The following TRAPPC10 variants were observed in gnomAD, a reference collection of about 807,000 sequenced individuals.
TRAPPC10 encodes the protein TRAPP 130 kDa subunit.
TRAPPC10 carries 23 observed loss-of-function variants against 125.5 expected under a neutral mutation model. The ratio of observed to expected loss-of-function variants is 0.18; its 90% CI spans 0.13 to 0.26. The LOEUF is 0.26. Among genes scored for constraint, TRAPPC10 ranks in the 10% least tolerant of loss-of-function variants. The pLI is 1.00. For missense variants in TRAPPC10, 1,123 were observed against 1,308.4 expected (o/e 0.86, Z 2.19); for synonymous variants, 509 against 518.0 (o/e 0.98, Z 0.24).
At chr21:44,089,343 C>T (rs542272552) in intron 17 of TRAPPC10, 5 of 360,496 alleles carry the variant, frequency 1.4e-5, no homozygotes, top group African/African-American at 6.4e-5. Context: ...CTCACTGTGC[C>T]CCTAAACTGA....
rs1412938341 is a variant in TRAPPC10, at chr21:44,012,445, G to GGGGCTGCC, written c.-48_-41dup. On this transcript the variant is annotated 5_prime_UTR_variant, in exon 1 of 23. Transcript: ENST00000291574. ...CTCCGGCTGGGCCCGGCGCGGCCTC[G>GGGGCTGCC]GGGCTGCCCATGGGGCGCGGGGGGC... 6.3e-6 allele frequency: 8 copies of GGGGCTGCC among 1,259,934 alleles called. No homozygotes were observed. The highest frequency in any genetic ancestry group is 3.2e-5 in the African/African-American group (2 of 62,314). 78.0% of individuals were successfully genotyped at this position (1,259,934 alleles called of 1,614,324 possible).
At chr21:44,091,374 C>G (rs1038282335) in intron 18 of TRAPPC10, among the ~76,000 whole-genome samples, 3 of 152,188 alleles carry the variant, frequency 2.0e-5, no homozygotes, top group Non-Finnish European at 4.4e-5. Context: ...TAAGGCTGGT[C>G]AGAAACTATA....
At chr21:44,034,072 G>A (rs1486838225) in intron 2 of TRAPPC10, among the ~76,000 whole-genome samples, 2 of 152,192 alleles carry the variant, frequency 1.3e-5, no homozygotes, top group African/African-American at 4.8e-5. Context: ...GAGGCCGCAG[G>A]ATATAGCTGT....
chr21:44,094,072 A>C lies in TRAPPC10; in HGVS notation c.3007A>C (p.Ser1003Arg). The C allele has an allele frequency of 2.5e-6, 4 of 1,613,520 alleles. No individual in the cohort carries two copies. The East Asian group carries it at 8.9e-5, about 36-fold the overall frequency. ...LNTQSQQPIY[S>R]KQSVFFVWEL... is the part of the protein sequence containing the mutation. The stretch of plus-strand genomic sequence containing the variant: ...CCAACTCTCTTTCCAGCCCATCTAC[A>C]GCAAGCAGTCGGTGTTCTTCGTCTG... The change falls in exon 20 of 23, where the codon AGC becomes CGC. Residue 1003 changes from serine to arginine, a missense_variant. Physicochemically the swap from Ser to Arg is moderately radical, Grantham distance 110 (BLOSUM62 -1). Coordinates refer to ENST00000291574, the MANE Select transcript of TRAPPC10 (RefSeq NM_003274.5).
At chr21:44,093,788 A>G (rs573440528) in intron 19 of TRAPPC10, among the ~76,000 whole-genome samples, 2 of 152,360 alleles carry the variant, frequency 1.3e-5, no homozygotes, top group East Asian at 3.9e-4. Context: ...CTACTTTTTA[A>G]TGATCTCATA....
chr21:44,031,434 C>T (rs994408324), intron 1 of TRAPPC10, among the ~76,000 whole-genome samples: 1 of 152,178 alleles, frequency 6.6e-6, no homozygotes, highest in African/African-American at 2.4e-5. Flanking sequence ...TAACACTGAG[C>T]GTGCAGCGTA....
At chr21:44,078,160 C>T (rs1307434060) in intron 11 of TRAPPC10, among the ~76,000 whole-genome samples, 1 of 152,066 alleles carries the variant, frequency 6.6e-6, no homozygotes, top group African/African-American at 2.4e-5. Context: ...TGAAAAACCT[C>T]AAGGCCATTG....
At chr21:44,028,926 C>T (rs2033321090) in intron 1 of TRAPPC10, among the ~76,000 whole-genome samples, 1 of 152,216 alleles carries the variant, frequency 6.6e-6, no homozygotes, top group Non-Finnish European at 1.5e-5. Flanking sequence ...CTGGAACGTG[C>T]TCTGCCTCGC....
At position 44,059,059 on chromosome 21, in the gene TRAPPC10, ATTTATGT is replaced by A. The variant is rs2035837637; in HGVS notation, c.679-40_679-34del. The A allele has an allele frequency of 6.8e-7, 1 of 1,470,072 alleles. No homozygotes were observed. Among genetic ancestry groups the A allele is most frequent in the African/African-American group, 1.4e-5 (1 of 70,886 alleles). The allele number at this position is 1,470,072 out of a possible 1,614,324, so 91.1% of individuals were successfully genotyped here. On this transcript the variant is annotated intron_variant, in intron 5 of 22. Coordinates refer to ENST00000291574, the MANE Select transcript of TRAPPC10 (RefSeq NM_003274.5). This position sits in a 1 kb window ranked among gnomAD's most constrained non-coding sequence, Gnocchi z 4.4. ...TACATACTGTTTCTTCTATACATTG[ATTTATGT>A]TTTTGTTTTTTTAAAAAACGTATCT...
chr21:44,027,295 C>G (rs924638134), intron 1 of TRAPPC10, among the ~76,000 whole-genome samples: 4 of 152,134 alleles, frequency 2.6e-5, no homozygotes, highest in African/African-American at 9.7e-5. Context: ...TGCTTAGCCA[C>G]TCTCTCAGGG....
rs559381643 is a variant in TRAPPC10 at position 44,087,350 on chromosome 21, G to C, written c.2540-349G>C. On this transcript the variant is annotated intron_variant, in intron 16 of 22. Transcript: ENST00000291574. The surrounding 1 kb of genome is among the most constrained non-coding windows in gnomAD (Gnocchi z 4.6). Reference sequence around the variant, plus strand: ...AGCACTCCCATCCTCCCAGCCACGAGGAAGGGGAAGGGGAGGACCCTGCTC... The same window carrying C: ...AGCACTCCCATCCTCCCAGCCACGACGAAGGGGAAGGGGAGGACCCTGCTC... 1.2e-3 allele frequency among the ~76,000 whole-genome samples: 186 copies of C among 152,310 alleles called. No homozygotes were observed. The highest frequency in any genetic ancestry group is 4.2e-3 in the African/African-American group (174 of 41,576).
Position 44,074,484 on chromosome 21 carries a change from C to T in TRAPPC10, c.1185+14C>T, listed in dbSNP as rs1455889736. On this transcript the variant is annotated intron_variant, in intron 8 of 22. Transcript: ENST00000291574. ...GCCACAGAAAAGGTGCCTACCTGCC[C>T]AAGTGTGGAATGCTCACGTTGTCTC... 1.2e-6 allele frequency: 2 copies of T among 1,613,890 alleles called. No individual in the cohort carries two copies. The highest frequency in any genetic ancestry group is 1.3e-5 in the African/African-American group (1 of 74,936).
intron 3 of TRAPPC10, among the ~76,000 whole-genome samples, chr21:44,050,856 TC>T (rs1409314069): frequency 6.6e-6 from 1 of 152,278 alleles, no homozygotes; most frequent in Non-Finnish European, 1.5e-5. Context: ...TTTGGAACTT[TC>T]TATTTAGTTA....
At chr21:44,030,909 T>G (rs1413888093) in intron 1 of TRAPPC10, among the ~76,000 whole-genome samples, 1 of 152,244 alleles carries the variant, frequency 6.6e-6, no homozygotes, top group Non-Finnish European at 1.5e-5. Flanking sequence ...TGGAAGTGAC[T>G]GACGTGTCTT....
intron 7 of TRAPPC10, among the ~76,000 whole-genome samples, chr21:44,065,863 A>G (rs1023582664): frequency 3.3e-5 from 5 of 151,914 alleles, no homozygotes; most frequent in African/African-American, 1.2e-4. Flanking sequence ...CCTTTTTTCT[A>G]AATTTTTAAA....
rs58767563 is a variant in TRAPPC10 at position 44,022,276 on chromosome 21, ATTTTTTT to A, written c.67+9734_67+9740del. 7.2e-4 allele frequency among the ~76,000 whole-genome samples: 60 copies of A among 83,816 alleles called. No individual in the cohort carries two copies. The South Asian group carries it at 0.013, about 19-fold the overall frequency. The allele number at this position is 83,816 out of a possible 152,430, so 55.0% of individuals were successfully genotyped here. On this transcript the variant is annotated intron_variant, in intron 1 of 22. Transcript: ENST00000291574. ...GGCACATGGCACCATGCCTGGCTAA[ATTTTTTT>A]TTTTTTTTTTTTTTTTTGAGATGGA...
chr21:44,015,961 C>G (rs929268024), intron 1 of TRAPPC10, among the ~76,000 whole-genome samples: 2 of 152,154 alleles, frequency 1.3e-5, no homozygotes, highest in African/African-American at 4.8e-5. Context: ...TCCTGCCTAA[C>G]GGGCTCCTGT....
In TRAPPC10 at chr21:44,059,534, A is replaced by G. The variant is rs1406935646; in HGVS notation, c.790+320A>G. 2.7e-6 allele frequency: 2 copies of G among 740,796 alleles called. No individual in the cohort carries two copies. Among genetic ancestry groups the G allele is most frequent in the Admixed American group, 1.9e-5 (1 of 53,584 alleles). 45.9% of individuals were successfully genotyped at this position (740,796 alleles called of 1,614,324 possible). On this transcript the variant is annotated intron_variant, in intron 6 of 22. Transcript: ENST00000291574. The surrounding 1 kb of genome is among the most constrained non-coding windows in gnomAD (Gnocchi z 4.4). ...TTCGATTCTGTCCCTCGTTAGAATC[A>G]GAGTGGACGTCCCTTTGCCTTCCAT...
At chr21:44,077,601 A>G (rs902096613) in intron 10 of TRAPPC10, 92 bp from the exon 11 acceptor site, 7 of 1,019,810 alleles carry the variant, frequency 6.9e-6, no homozygotes, top group Non-Finnish European at 1.0e-5. Context: ...AAAACCCAAC[A>G]ATGTCTTTTG....
Sources: gnomAD v4.1 joint callset for allele counts (sites outside exome capture counted in the v4.1 genomes callset) on GRCh38, gnomAD v4.1.1 for gene constraint, Gnocchi (gnomAD v3.1) non-coding constraint, MANE v1.5 for transcripts, NCBI Gene and HGNC (gene_info 2026-07-23, HGNC 2026-07-21) for gene names.